The following COL16A1 variants were observed in gnomAD, a reference collection of about 807,000 sequenced individuals.
COL16A1 encodes collagen alpha-1(XVI) chain.
Under a neutral mutation model 266.3 loss-of-function variants are expected in COL16A1, and 189 were observed. The ratio of observed to expected loss-of-function variants is 0.71; its 90% CI spans 0.63 to 0.80. The LOEUF is 0.80. Ranked by LOEUF, COL16A1 falls within the 30% of genes least tolerant of loss-of-function variation. The probability of loss-of-function intolerance (pLI) is 0.00; values close to 1 mark genes in which losing one functional copy is unlikely to be tolerated. For missense variants in COL16A1, 1,928 were observed against 2,122.4 expected (o/e 0.91, Z 1.80); for synonymous variants, 740 against 782.3 (o/e 0.95, Z 0.90).
rs546763489 is a variant in COL16A1, at chr1:31,699,946, C to T, written c.149-16G>A. On this transcript the variant is annotated splice_polypyrimidine_tract_variant and intron_variant, in intron 3 of 70. Coordinates refer to ENST00000373672, the MANE Select transcript of COL16A1 (RefSeq NM_001856.4). ...AGGTTGAAGCCTTTGGGGGAGACAT[C>T]AGGTGAAGAGCTCAGCTGAGCAGGT... 2.8e-5 allele frequency: 45 copies of T among 1,605,432 alleles called. No individual in the cohort carries two copies. In the South Asian group the frequency reaches 4.8e-4, roughly 17 times the overall value.
intron 42 of COL16A1, among the ~76,000 whole-genome samples, chr1:31,676,261 G>GTTGCATCTCCATC (rs532362034): frequency 6.0e-5 from 9 of 150,906 alleles, no homozygotes; most frequent in Admixed American, 5.3e-4. Flanking sequence ...GGAGATGGAG[G>GTTGCATCTCCATC]TTGCAGTGAG....
chr1:31,687,835 T>C (rs1244182495), intron 26 of COL16A1, among the ~76,000 whole-genome samples: 1 of 152,188 alleles, frequency 6.6e-6, no homozygotes, highest in Non-Finnish European at 1.5e-5. Flanking sequence ...TTCTCACACT[T>C]GAGCACTCGT....
chr1:31,696,962 C>T lies in COL16A1; in HGVS notation c.864+1G>A, dbSNP rs767906284. On this transcript the variant is annotated splice_donor_variant, in intron 8 of 70. Coordinates refer to ENST00000373672, the MANE Select transcript of COL16A1 (RefSeq NM_001856.4). LOFTEE classifies it high-confidence loss of function. ...GGCATCCACCTGTCCTGCCCACCCA[C>T]CTCGCTGTTTTGAGGCTCCTCCAGG... 2.5e-6 allele frequency: 4 copies of T among 1,613,884 alleles called. No homozygotes were observed. In the South Asian group the frequency reaches 3.3e-5, roughly 13 times the overall value.
At chr1:31,680,258 C>G (rs894097978) in intron 39 of COL16A1, among the ~76,000 whole-genome samples, 157 bp from the exon 40 acceptor site, 1 of 152,190 alleles carries the variant, frequency 6.6e-6, no homozygotes, top group Non-Finnish European at 1.5e-5. Context: ...TGTTCAAACT[C>G]TCTGCACCTC....
intron 48 of COL16A1, among the ~76,000 whole-genome samples, chr1:31,671,117 T>G (rs1276430066): frequency 2.0e-5 from 3 of 152,254 alleles, no homozygotes; most frequent in African/African-American, 7.2e-5. Flanking sequence ...CACAGAGGAC[T>G]CCAGAGTAGA....
chr1:31,658,831 C>G (rs1460203974), intron 63 of COL16A1, 83 bp downstream of exon 63: 1 of 1,472,206 alleles, frequency 6.8e-7, no homozygotes, highest in South Asian at 1.2e-5. Flanking sequence ...GTTCTCCATC[C>G]CCCCAGCTTC....
intron 44 of COL16A1, among the ~76,000 whole-genome samples, chr1:31,673,618 A>C (rs1642930707): frequency 6.6e-6 from 1 of 152,238 alleles, no homozygotes; most frequent in Non-Finnish European, 1.5e-5. Flanking sequence ...TGTACATAAT[A>C]AGCCCTGCAC....
intron 55 of COL16A1, 161 bp downstream of exon 55, chr1:31,665,422 A>G: frequency 6.9e-7 from 1 of 1,446,614 alleles, no homozygotes; most frequent in Non-Finnish European, 9.4e-7. Flanking sequence ...TGGGCTCTCC[A>G]GGTCCTGGTT....
Position 31,674,979 on chromosome 1 carries a change from C to T in COL16A1, c.2859+28G>A, listed in dbSNP as rs762186541. 6.6e-5 allele frequency: 106 copies of T among 1,609,598 alleles called. No homozygotes were observed. In the South Asian group the frequency reaches 9.4e-4, roughly 14 times the overall value. ...CCCTTAGGAGACACCCCCGCCAGCTCACACTTCCCTCCTGGGTACCCTCTT... is the reference window on the plus strand; with the variant it reads ...CCCTTAGGAGACACCCCCGCCAGCTTACACTTCCCTCCTGGGTACCCTCTT... On this transcript the variant is annotated intron_variant, in intron 44 of 70. Coordinates refer to ENST00000373672, the MANE Select transcript of COL16A1 (RefSeq NM_001856.4).
At position 31,699,978 on chromosome 1, in the gene COL16A1, G is replaced by A. The variant is rs1553173914; in HGVS notation, c.149-48C>T. On this transcript the variant is annotated intron_variant, in intron 3 of 70. Transcript: ENST00000373672. ...AGAGCTCAGCTGAGCAGGTGGAGAG[G>A]GGTACAGATCACTCCCAGAGGAAGG... is the stretch of plus-strand genomic sequence containing the variant. 9 of 1,603,680 alleles carry A rather than the reference G, an allele frequency of 5.6e-6. 1 individual carries two copies. The South Asian group carries it at 9.9e-5, about 18-fold the overall frequency.
chr1:31,679,960 G>A, intron 40 of COL16A1, 82 bp downstream of exon 40: 8 of 1,586,672 alleles, frequency 5.0e-6, no homozygotes, highest in Non-Finnish European at 6.9e-6. Context: ...GGCCCTGCGG[G>A]GCCTTTGCAC....
chr1:31,684,409 ACT>A, intron 31 of COL16A1, 112 bp downstream of exon 31: 1 of 1,513,482 alleles, frequency 6.6e-7, no homozygotes, highest in African/African-American at 1.4e-5. Flanking sequence ...CCGCTCAGTG[ACT>A]CTGACAGCCG....
Position 31,684,855 on chromosome 1 carries a change from C to T in COL16A1, c.2018G>A (p.Gly673Asp), listed in dbSNP as rs1643893889. 2 of 1,613,814 alleles carry T rather than the reference C, an allele frequency of 1.2e-6. No homozygotes were observed. The highest frequency in any genetic ancestry group is 1.7e-6 in the Non-Finnish European group (2 of 1,180,036). The change falls in exon 30 of 71, where the codon GGC becomes GAC. Residue 673 changes from glycine to aspartate, a missense_variant and splice_region_variant. Transcript: ENST00000373672. ...PPGFGLPGKQGKAGERGLKGQ... is the reference protein window; with the variant it reads ...PPGFGLPGKQDKAGERGLKGQ... ...CTTCAGTCCACGCTCTCCAGCCTTG[C>T]CCTGAGGAGAAAGCATTTCCAGCAC...
In COL16A1 at chr1:31,663,522, G is replaced by A. The variant is rs1641870310; in HGVS notation, c.3556-864C>T. ...GATGAGTGGGGGCCCTGAACGCTGTGCTAAACTTTATCGAACAGTCAGTGG... is the reference window on the plus strand; with the variant it reads ...GATGAGTGGGGGCCCTGAACGCTGTACTAAACTTTATCGAACAGTCAGTGG... On this transcript the variant is annotated intron_variant, in intron 56 of 70. Coordinates refer to ENST00000373672, the MANE Select transcript of COL16A1 (RefSeq NM_001856.4). The surrounding 1 kb of genome is among the most constrained non-coding windows in gnomAD (Gnocchi z 4.9). The A allele has an allele frequency of 1.3e-5, 2 of 152,190 alleles. No homozygotes were observed. Among genetic ancestry groups the A allele is most frequent in the African/African-American group, 4.8e-5 (2 of 41,428 alleles). The allele number at this position is 152,190 out of a possible 1,614,324, so 9.4% of individuals were successfully genotyped here. A position where few individuals can be genotyped will look rare whatever the true frequency, so the allele number is the denominator to read the frequency against.
intron 42 of COL16A1, among the ~76,000 whole-genome samples, chr1:31,677,520 TG>T (rs1643288945): frequency 6.6e-6 from 1 of 152,284 alleles, no homozygotes. Flanking sequence ...TTCTACCTGT[TG>T]TCCTACTGCG....
intron 4 of COL16A1, among the ~76,000 whole-genome samples, chr1:31,699,309 T>TAA (rs1644631102): frequency 1.3e-5 from 2 of 151,972 alleles, no homozygotes; most frequent in South Asian, 4.1e-4. Context: ...CCTAGGTGAA[T>TAA]AACTGGAGCA....
intron 40 of COL16A1, 48 bp from the exon 41 acceptor site, chr1:31,679,899 C>T (rs777081540): frequency 9.2e-6 from 14 of 1,518,354 alleles, no homozygotes; most frequent in East Asian, 2.4e-5. Flanking sequence ...TTATAGGCAA[C>T]GTCTACACCA....
chr1:31,662,332 A>G lies in COL16A1; in HGVS notation c.3681+2T>C. On this transcript the variant is annotated splice_donor_variant, in intron 58 of 70. Transcript: ENST00000373672. LOFTEE classifies it high-confidence loss of function. Reference sequence around the variant, plus strand: ...GCCCGCCCTCCCAGCCCATCATCTCACCCTCAAGCCAGGCTTGCCGTCCTT... The same window carrying G: ...GCCCGCCCTCCCAGCCCATCATCTCGCCCTCAAGCCAGGCTTGCCGTCCTT... The G allele has an allele frequency of 1.9e-6, 3 of 1,598,332 alleles. No homozygotes were observed. The highest frequency in any genetic ancestry group is 2.6e-6 in the Non-Finnish European group (3 of 1,172,456).
intron 2 of COL16A1, 137 bp downstream of exon 2, chr1:31,701,984 C>T (rs900137215): frequency 4.4e-6 from 6 of 1,369,854 alleles, no homozygotes; most frequent in Non-Finnish European, 4.0e-6. Flanking sequence ...CCTCAGATCA[C>T]CCTGAGCCCA....
Sources: allele counts gnomAD v4.1 joint callset (sites outside exome capture counted in the v4.1 genomes callset), GRCh38; gene constraint gnomAD v4.1.1; non-coding constraint Gnocchi (gnomAD v3.1); transcripts MANE v1.5; gene names NCBI Gene and HGNC (gene_info 2026-07-23, HGNC 2026-07-21).